Variants in SYN3 observed in about 807,000 individuals in gnomAD.
SYN3 encodes the protein synapsin III, also known as synapsin-3.
SYN3 carries 35 observed loss-of-function variants against 65.8 expected under a neutral mutation model. That is an observed-to-expected ratio of 0.53 (90% CI 0.41 to 0.70). The LOEUF is 0.70. SYN3 is among the 30% of genes least tolerant of loss of function. The pLI is 0.00. For synonymous variants in SYN3, 270 were observed against 292.9 expected (o/e 0.92, Z 0.80); for missense variants, 680 against 749.0 (o/e 0.91, Z 1.08).
At chr22:33,051,865 A>G (rs2054172429) in intron 1 of SYN3, among the ~76,000 whole-genome samples, 1 of 152,186 alleles carries the variant, frequency 6.6e-6, no homozygotes, top group Admixed American at 6.5e-5. Context: ...TTTCAGAGAT[A>G]CAGGGATAAC....
At chr22:32,596,650 G>A in intron 7 of SYN3, 24 bp downstream of exon 7, 1 of 1,611,006 alleles carries the variant, frequency 6.2e-7, no homozygotes, top group Non-Finnish European at 8.5e-7. Flanking sequence ...TGTCCACTGT[G>A]AGTGGAAGGG....
intron 6 of SYN3, among the ~76,000 whole-genome samples, chr22:32,728,741 GA>G (rs2061231073): frequency 6.6e-6 from 1 of 152,202 alleles, no homozygotes; most frequent in Non-Finnish European, 1.5e-5. Flanking sequence ...GGAGACCCCT[GA>G]GGTATGGTGT....
intron 4 of SYN3, among the ~76,000 whole-genome samples, chr22:32,917,405 A>G (rs1263476160): frequency 1.3e-5 from 2 of 152,176 alleles, no homozygotes; most frequent in African/African-American, 4.8e-5. Flanking sequence ...TTTCAAAGGG[A>G]GGATGAAATG....
intron 3 of SYN3, among the ~76,000 whole-genome samples, chr22:32,980,052 T>TA (rs902579914): frequency 6.6e-6 from 1 of 152,096 alleles, no homozygotes; most frequent in African/African-American, 2.4e-5. Flanking sequence ...TACACAGCCC[T>TA]AAAAAAATCT....
chr22:32,530,700 G>T (rs1226857893), intron 10 of SYN3, among the ~76,000 whole-genome samples: 4 of 151,768 alleles, frequency 2.6e-5, no homozygotes, highest in Non-Finnish European at 4.4e-5. Context: ...AAACTGAAAA[G>T]CTAGCTTAAG....
intron 6 of SYN3, among the ~76,000 whole-genome samples, chr22:32,679,691 C>T (rs1270631494): frequency 1.3e-5 from 2 of 152,028 alleles, no homozygotes; most frequent in Middle Eastern, 3.2e-3. Flanking sequence ...GAGGTGATAT[C>T]TCAGTGTGGT....
intron 12 of SYN3, chr22:32,527,603 G>GA (rs130455): frequency 0.037 from 6,392 of 175,036 alleles, 2 homozygotes; most frequent in South Asian, 0.072. Context: ...TGTCTCAAAA[G>GA]AAAAAAAAAA....
At chr22:32,945,846 A>C (rs2146789775) in intron 3 of SYN3, among the ~76,000 whole-genome samples, 1 of 152,354 alleles carries the variant, frequency 6.6e-6, no homozygotes, top group East Asian at 1.9e-4. Context: ...AATTTACAAG[A>C]AAAAACCAAA....
At chr22:32,903,291 T>C (rs769222110) in intron 4 of SYN3, among the ~76,000 whole-genome samples, 3 of 152,234 alleles carry the variant, frequency 2.0e-5, no homozygotes, top group South Asian at 2.1e-4. Context: ...GCCTGGCACA[T>C]AGTAAACATT....
At chr22:33,049,870 C>T (rs1028611127) in intron 1 of SYN3, among the ~76,000 whole-genome samples, 14 of 152,136 alleles carry the variant, frequency 9.2e-5, no homozygotes, top group African/African-American at 1.7e-4. Flanking sequence ...TCATACTCAG[C>T]TTGCCTGTTG....
chr22:32,649,244 A>G (rs541622140), intron 6 of SYN3, among the ~76,000 whole-genome samples: 1 of 152,292 alleles, frequency 6.6e-6, no homozygotes, highest in East Asian at 1.9e-4. Context: ...GCAGTTAGCC[A>G]TGTCCTGGCT....
At chr22:32,675,516 G>T (rs2060427681) in intron 6 of SYN3, among the ~76,000 whole-genome samples, 1 of 152,094 alleles carries the variant, frequency 6.6e-6, no homozygotes, top group Admixed American at 6.6e-5. Context: ...GGTGTGCTGG[G>T]CTGATGCTGG....
At chr22:32,941,345 A>C (rs2050932550) in intron 3 of SYN3, among the ~76,000 whole-genome samples, 1 of 152,202 alleles carries the variant, frequency 6.6e-6, no homozygotes, top group Admixed American at 6.5e-5. Context: ...ATATTTCTAA[A>C]CATTCTTTAA....
intron 2 of SYN3, among the ~76,000 whole-genome samples, chr22:32,999,143 T>TGCATGATGCGCCA (rs2052983972): frequency 1.3e-5 from 2 of 152,186 alleles, no homozygotes; most frequent in Admixed American, 1.3e-4. Context: ...TATGTGCGCC[T>TGCATGATGCGCCA]GCATGATGCG....
At chr22:32,530,388 A>G (rs2058048872) in intron 10 of SYN3, among the ~76,000 whole-genome samples, 1 of 152,178 alleles carries the variant, frequency 6.6e-6, no homozygotes, top group South Asian at 2.1e-4. Flanking sequence ...AGAGGGTCAA[A>G]GAAGTGGCAA....
At chr22:32,617,093 A>G (rs1270251319) in intron 6 of SYN3, among the ~76,000 whole-genome samples, 1 of 152,204 alleles carries the variant, frequency 6.6e-6, no homozygotes, top group Non-Finnish European at 1.5e-5. Context: ...TCTCCAAATG[A>G]GGGCAGACAT....
At chr22:32,553,125 T>G (rs566044383) in intron 7 of SYN3, among the ~76,000 whole-genome samples, 77 of 152,236 alleles carry the variant, frequency 5.1e-4, no homozygotes, top group Non-Finnish European at 9.1e-4. Context: ...CATCGTGACC[T>G]CATCTAAACC....
chr22:32,893,575 T>G (rs1211964149), intron 4 of SYN3, among the ~76,000 whole-genome samples: 1 of 152,138 alleles, frequency 6.6e-6, no homozygotes, highest in Non-Finnish European at 1.5e-5. Context: ...AGAGAACACT[T>G]GCATAAGCAC....
chr22:32,730,975 G>A (rs2061263004), intron 6 of SYN3, among the ~76,000 whole-genome samples: 1 of 152,038 alleles, frequency 6.6e-6, no homozygotes, highest in African/African-American at 2.4e-5. Context: ...ATGACCCCCT[G>A]GACAAGGCAT....
Sources: gnomAD v4.1 joint callset for allele counts (sites outside exome capture counted in the v4.1 genomes callset) on GRCh38, gnomAD v4.1.1 for gene constraint, MANE v1.5 for transcripts, NCBI Gene and HGNC (gene_info 2026-07-23, HGNC 2026-07-21) for gene names.